The following CCDC80 variants were observed in gnomAD, a reference collection of about 807,000 sequenced individuals.
The protein encoded by CCDC80 is coiled-coil domain containing 80, also known as coiled-coil domain-containing protein 80.
CCDC80 carries 49 observed loss-of-function variants against 78.7 expected under a neutral mutation model. The observed-to-expected ratio is 0.62, with a 90% CI of 0.50 to 0.79. The LOEUF is 0.79. CCDC80 is among the 30% of genes least tolerant of loss of function. The pLI, the probability that CCDC80 is intolerant of heterozygous loss-of-function variation, is 0.00. For synonymous variants in CCDC80, 488 were observed against 447.0 expected, an observed-to-expected ratio of 1.09 and a Z score of -1.16; for missense variants, 1,205 against 1,198.6, an observed-to-expected ratio of 1.01 and a Z score of -0.08.
At chr3:112,612,238 C>T (rs1935646290) in intron 5 of CCDC80, among the ~76,000 whole-genome samples, 1 of 152,110 alleles carries the variant, frequency 6.6e-6, no homozygotes, top group African/African-American at 2.4e-5. Context: ...CCTTAGGAGG[C>T]ATGCCAGACC....
chr3:112,633,657 A>C (rs1936145647), intron 2 of CCDC80, among the ~76,000 whole-genome samples: 1 of 152,160 alleles, frequency 6.6e-6, no homozygotes, highest in Admixed American at 6.5e-5. Context: ...CTACGACTTT[A>C]CCAGTTGGTG....
intron 3 of CCDC80, among the ~76,000 whole-genome samples, chr3:112,629,899 C>G (rs1460476841): frequency 6.6e-6 from 1 of 152,102 alleles, no homozygotes; most frequent in Non-Finnish European, 1.5e-5. Flanking sequence ...AGAGTGTTTG[C>G]GTATTTTTCT....
In CCDC80 at chr3:112,601,180, T is replaced by C. The variant is rs1173687966; in HGVS notation, c.*4237A>G. On this transcript the variant is annotated 3_prime_UTR_variant, in exon 8 of 8. Transcript: ENST00000206423. ...GGAAAATGAATGGCAGAATAAGTGA[T>C]TTGTCAAGTTCATTGAACTATAAAT... 6.6e-6 allele frequency: 1 copy of C among 152,218 alleles called. No homozygotes were observed. Among genetic ancestry groups the C allele is most frequent in the African/African-American group, 2.4e-5 (1 of 41,462 alleles). 9.4% of individuals were successfully genotyped at this position (152,218 alleles called of 1,614,324 possible).
chr3:112,616,678 C>T, intron 5 of CCDC80, 32 bp downstream of exon 5: 2 of 1,612,890 alleles, frequency 1.2e-6, no homozygotes, highest in Non-Finnish European at 1.7e-6. Context: ...AAATTTGCAC[C>T]TTCCTCTTTA....
intron 2 of CCDC80, among the ~76,000 whole-genome samples, chr3:112,631,309 A>G (rs4682417): frequency 0.88 from 134,588 of 152,130 alleles, 61,111 homozygotes; most frequent in Non-Finnish European, 1. Context: ...AGTGGGCATA[A>G]TGCTGCTTAC....
chr3:112,639,546 A>G lies in CCDC80; in HGVS notation c.360T>C (p.Asp120=). The part of the protein sequence containing the change: ...ARGSPREMIR[D]EGSSARSRML... ...TTCTTGACCGAGCTGAGGACCCCTC[A>G]TCTCTGATCATCTCACGCGGAGAGC... The change falls in exon 2 of 8, where the codon GAT becomes GAC. Residue 120 remains aspartate, a synonymous_variant. Transcript: ENST00000206423. 6.2e-7 allele frequency: 1 copy of G among 1,614,198 alleles called. No individual in the cohort carries two copies. The highest frequency in any genetic ancestry group is 8.5e-7 in the Non-Finnish European group (1 of 1,180,042).
In CCDC80 at chr3:112,640,885, C is replaced by G. The variant is rs548165928; in HGVS notation, c.-570G>C. The G allele has an allele frequency of 6.6e-6, 1 of 151,622 alleles. No individual in the cohort carries two copies. The highest frequency in any genetic ancestry group is 6.6e-5 in the Admixed American group (1 of 15,230). 9.4% of individuals were successfully genotyped at this position (151,622 alleles called of 1,614,324 possible). A position where few individuals can be genotyped will look rare whatever the true frequency, so the allele number is the denominator to read the frequency against. ...GATGTCGAAAAGGGACTTTTTTTTT[C>G]TTTCACTGTGCTTCTCTCCTCCCTT... On this transcript the variant is annotated 5_prime_UTR_variant, in exon 1 of 8. Coordinates refer to ENST00000206423, the MANE Select transcript of CCDC80 (RefSeq NM_199511.3).
intron 5 of CCDC80, among the ~76,000 whole-genome samples, chr3:112,613,933 T>C (rs1290773503): frequency 1.3e-5 from 2 of 151,920 alleles, no homozygotes; most frequent in African/African-American, 2.4e-5. Context: ...TTAAGAGAAT[T>C]TGGCCTAATA....
At chr3:112,609,864 G>T in intron 6 of CCDC80, 114 bp downstream of exon 6, 1 of 752,804 alleles carries the variant, frequency 1.3e-6, no homozygotes, top group Non-Finnish European at 2.1e-6. Flanking sequence ...CTGGAAACCT[G>T]AACAGTCTGA....
rs1935317189 is a variant in CCDC80 at position 112,598,290 on chromosome 3, A to G, written c.*7127T>C. 2.0e-5 allele frequency: 3 copies of G among 152,246 alleles called. No individual in the cohort carries two copies. Among genetic ancestry groups the G allele is most frequent in the African/African-American group, 7.2e-5 (3 of 41,458 alleles). 9.4% of individuals were successfully genotyped at this position (152,246 alleles called of 1,614,324 possible). On this transcript the variant is annotated 3_prime_UTR_variant, in exon 8 of 8. Coordinates refer to ENST00000206423, the MANE Select transcript of CCDC80 (RefSeq NM_199511.3). ...GGCTGTCTTCCAGAAATGGTTTCCC[A>G]AGGTGTTCCCTACCTCTCTTTTTCT...
At chr3:112,611,034 C>G (rs554055101) in intron 5 of CCDC80, among the ~76,000 whole-genome samples, 1 of 151,638 alleles carries the variant, frequency 6.6e-6, no homozygotes, top group Non-Finnish European at 1.5e-5. Context: ...CTGCCTCATC[C>G]TCCCGAGTAG....
intron 6 of CCDC80, 65 bp from the exon 7 acceptor site, chr3:112,607,321 C>T (rs1257359734): frequency 2.6e-6 from 3 of 1,156,656 alleles, no homozygotes; most frequent in Non-Finnish European, 3.8e-6. Flanking sequence ...TACTTCAAAG[C>T]CCTGATATCT....
rs141112542 is a variant in CCDC80 at position 112,605,327 on chromosome 3, T to A, written c.*90A>T. On this transcript the variant is annotated 3_prime_UTR_variant, in exon 8 of 8. Transcript: ENST00000206423. ...CACTGAAAGAAAAAGGCAGGAAATG[T>A]AGTACGCAGTGTGGAAGAATGGAGC... 44 of 811,168 alleles carry A rather than the reference T, an allele frequency of 5.4e-5. No homozygotes were observed. In the East Asian group the frequency reaches 1.1e-3, roughly 20 times the overall value. 50.2% of individuals were successfully genotyped at this position (811,168 alleles called of 1,614,324 possible).
intron 3 of CCDC80, 79 bp from the exon 4 acceptor site, chr3:112,619,183 G>A (rs1935813954): frequency 2.3e-6 from 3 of 1,311,964 alleles, no homozygotes; most frequent in East Asian, 2.7e-5. Flanking sequence ...GAAGGCTTTG[G>A]GCCTAATCAC....
rs1005650809 is a variant in CCDC80 at position 112,601,692 on chromosome 3, A to T, written c.*3725T>A. ...AGACCCTCTCCAAAAAAAGAAAAAAAAAAAGAGAAAAAAAAGAAGCAGCAG... is the reference window on the plus strand; with the variant it reads ...AGACCCTCTCCAAAAAAAGAAAAAATAAAAGAGAAAAAAAAGAAGCAGCAG... On this transcript the variant is annotated 3_prime_UTR_variant, in exon 8 of 8. Transcript: ENST00000206423. 4 of 29,446 alleles carry T rather than the reference A, an allele frequency of 1.4e-4. No homozygotes were observed. Among genetic ancestry groups the T allele is most frequent in the Non-Finnish European group, 4.0e-4 (4 of 9,922 alleles). 1.8% of individuals were successfully genotyped at this position (29,446 alleles called of 1,614,324 possible).
At position 112,639,897 on chromosome 3, in the gene CCDC80, C is replaced by T; in HGVS notation, c.9G>A (p.Trp3Ter). 1 of 1,613,686 alleles carries T rather than the reference C, an allele frequency of 6.2e-7. No individual in the cohort carries two copies. The highest frequency in any genetic ancestry group is 1.1e-5 in the South Asian group (1 of 91,018). ...GCATAGTGAAACGGGGTCCCATTCT[C>T]CATGTCATTGTGTAATCCACTTTGC... MT[W>*]RMGPRFTMLL... Residue 3 changes from tryptophan to a stop codon, truncating the protein, a stop_gained, in exon 2 of 8, where the codon TGG becomes TGA. Transcript: ENST00000206423. LOFTEE classifies it high-confidence loss of function.
intron 2 of CCDC80, 36 bp downstream of exon 2, chr3:112,637,992 A>C (rs1936239960): frequency 7.0e-6 from 11 of 1,560,434 alleles, no homozygotes; most frequent in Non-Finnish European, 9.5e-6. Context: ...GCCCTGCCTC[A>C]GCCCATAGAA....
At position 112,606,284 on chromosome 3, in the gene CCDC80, T is replaced by G. The variant is rs185021302; in HGVS notation, c.2507-521A>C. Among the ~76,000 whole-genome samples the G allele has an allele frequency of 4.6e-3, 704 of 152,382 alleles. 6 individuals are homozygous for G. The highest frequency in any genetic ancestry group is 0.016 in the African/African-American group (678 of 41,596). ...GGGAAGGAGAAAAGGAGCTGACACT[T>G]TCAAGTCTGCTGTGTCCGGCATTCT... is the stretch of plus-strand genomic sequence containing the variant. On this transcript the variant is annotated intron_variant, in intron 7 of 7. Transcript: ENST00000206423.
intron 3 of CCDC80, among the ~76,000 whole-genome samples, chr3:112,625,790 G>A (rs1041156004): frequency 1.3e-5 from 2 of 152,158 alleles, no homozygotes; most frequent in African/African-American, 2.4e-5. Context: ...GGGTAAAGGG[G>A]TCAGGAAGGA....
Sources: gnomAD v4.1 joint callset for allele counts (sites outside exome capture counted in the v4.1 genomes callset) on GRCh38, gnomAD v4.1.1 for gene constraint, MANE v1.5 for transcripts, NCBI Gene and HGNC (gene_info 2026-07-23, HGNC 2026-07-21) for gene names.